The following DERL1 variants were observed in gnomAD, a reference collection of about 807,000 sequenced individuals.
DERL1 encodes the protein derlin-1.
In DERL1, 24 loss-of-function variants were observed where a neutral mutation model predicts 41.6. That is an observed-to-expected ratio of 0.58 (90% CI 0.42 to 0.81). The LOEUF (loss-of-function observed/expected upper bound fraction) is 0.81, where lower values mean the gene tolerates loss of function less well. DERL1 is among the 30% of genes least tolerant of loss of function. The pLI, the probability that DERL1 is intolerant of heterozygous loss-of-function variation, is 0.00. For missense variants in DERL1, 260 were observed against 314.3 expected, an observed-to-expected ratio of 0.83 and a Z score of 1.31; for synonymous variants, 124 against 112.5, an observed-to-expected ratio of 1.10 and a Z score of -0.65.
At chr8:123,031,748 A>G (rs1812820650) in intron 1 of DERL1, among the ~76,000 whole-genome samples, 1 of 152,056 alleles carries the variant, frequency 6.6e-6, no homozygotes. Context: ...TCCCTACAAA[A>G]TATTTTAATT....
intron 2 of DERL1, chr8:123,025,625 C>A (rs1314429877): frequency 6.6e-6 from 1 of 152,254 alleles, no homozygotes. Context: ...CCACACTGGC[C>A]TTAGATACTG....
At chr8:123,020,796 CAAAAAAAAAA>C (rs59816749) in intron 6 of DERL1, among the ~76,000 whole-genome samples, 1 of 112,396 alleles carries the variant, frequency 8.9e-6, no homozygotes, top group Admixed American at 9.6e-5. Flanking sequence ...CTAAAAATCC[CAAAAAAAAAA>C]AAAAAAAAAA....
At chr8:123,029,262 G>C (rs571541934) in intron 2 of DERL1, among the ~76,000 whole-genome samples, 5 of 152,186 alleles carry the variant, frequency 3.3e-5, no homozygotes, top group South Asian at 2.1e-4. Flanking sequence ...TTTCTGCCAA[G>C]TTACTTTACT....
intron 6 of DERL1, 100 bp from the exon 7 acceptor site, chr8:123,019,405 T>G: frequency 1.2e-6 from 1 of 810,382 alleles, no homozygotes; most frequent in East Asian, 2.6e-5. Context: ...GGCAGCCCAT[T>G]TAGTCCCTGG....
At chr8:123,017,113 G>A (rs908751012) in intron 7 of DERL1, 1 of 152,268 alleles carries the variant, frequency 6.6e-6, no homozygotes, top group Admixed American at 6.5e-5. Flanking sequence ...TGGGATTACC[G>A]ACGTGAGCAA....
chr8:123,039,873 T>A (rs1396975346), intron 1 of DERL1, among the ~76,000 whole-genome samples: 1 of 152,152 alleles, frequency 6.6e-6, no homozygotes. Flanking sequence ...AGCCTTATTC[T>A]CTGAGGGGAA....
In DERL1 at chr8:123,021,460, T is replaced by G. The variant is rs745483518; in HGVS notation, c.493A>C (p.Ile165Leu). The part of the protein sequence containing the change: ...LPWVILGFNY[I>L]IGGSVINELI... ...AATATCACTTACGAGCCTCCGATGA[T>G]ATAGTTGAATCCAAGGATAACCCAG... The change falls in exon 6 of 8, where the codon ATC (isoleucine) becomes CTC (leucine). Residue 165 changes from isoleucine to leucine, a missense_variant. Physicochemically the swap from Ile to Leu is conservative, Grantham distance 5 (BLOSUM62 2). Transcript: ENST00000259512. 6.2e-7 allele frequency: 1 copy of G among 1,613,762 alleles called. No homozygotes were observed. Among genetic ancestry groups the G allele is most frequent in the Non-Finnish European group, 8.5e-7 (1 of 1,179,700 alleles).
intron 1 of DERL1, among the ~76,000 whole-genome samples, chr8:123,037,989 T>C (rs958708247): frequency 6.6e-6 from 1 of 152,216 alleles, no homozygotes; most frequent in African/African-American, 2.4e-5. Flanking sequence ...ATTTGATTGA[T>C]GAACATAAAT....
At position 123,025,057 on chromosome 8, in the gene DERL1, AC is replaced by A; in HGVS notation, c.266-8del. The A allele has an allele frequency of 6.2e-7, 1 of 1,613,020 alleles. No homozygotes were observed. The highest frequency in any genetic ancestry group is 8.5e-7 in the Non-Finnish European group (1 of 1,179,496). On this transcript the variant is annotated splice_region_variant and splice_polypyrimidine_tract_variant and intron_variant, in intron 2 of 7. Coordinates refer to ENST00000259512, the MANE Select transcript of DERL1 (RefSeq NM_024295.6). Reference sequence around the variant, plus strand: ...GGCCTCCCATCAAAAGCTCCTGGAAACAAAAACAAGCCAAATGTCATGGTTC... The same window carrying A: ...GGCCTCCCATCAAAAGCTCCTGGAAAAAAAACAAGCCAAATGTCATGGTTC...
At chr8:123,038,536 C>T (rs146326231) in intron 1 of DERL1, among the ~76,000 whole-genome samples, 3 of 152,262 alleles carry the variant, frequency 2.0e-5, no homozygotes, top group East Asian at 1.9e-4. Context: ...GTGACAAGAA[C>T]GATTACTCTT....
chr8:123,018,800 C>T (rs900615243), intron 7 of DERL1: 7 of 243,016 alleles, frequency 2.9e-5, no homozygotes, highest in African/African-American at 4.7e-5. Context: ...AACACGCTAA[C>T]TTACCCTTCC....
At chr8:123,028,288 A>T (rs1190855316) in intron 2 of DERL1, among the ~76,000 whole-genome samples, 2 of 152,132 alleles carry the variant, frequency 1.3e-5, no homozygotes, top group African/African-American at 2.4e-5. Context: ...TAACCATTAG[A>T]TGGTTAAGGA....
intron 2 of DERL1, chr8:123,030,137 G>A (rs1184098073): frequency 6.6e-6 from 1 of 152,516 alleles, no homozygotes; most frequent in Non-Finnish European, 1.5e-5. Flanking sequence ...TTAAATCTTG[G>A]CTATATACTG....
In DERL1 at chr8:123,015,581, G is replaced by A. The variant is rs765021552; in HGVS notation, c.622C>T (p.Arg208Cys). Reference sequence around the variant, plus strand: ...CCTCCTCTCCTACTGGGCAGCCAGCGGTACCTGGTGCAGAAAGACGGGGAC... The same window carrying A: ...CCTCCTCTCCTACTGGGCAGCCAGCAGTACCTGGTGCAGAAAGACGGGGAC... Reference protein sequence around the residue: ...NFLSTPQFLYRWLPSRRGGVS... With the variant: ...NFLSTPQFLYCWLPSRRGGVS... Residue 208 changes from arginine (R) to cysteine (C), a missense_variant, in exon 8 of 8, where the codon CGC (arginine) becomes TGC (cysteine). Transcript: ENST00000259512. 6 of 1,607,764 alleles carry A rather than the reference G, an allele frequency of 3.7e-6. No individual in the cohort carries two copies. Among genetic ancestry groups the A allele is most frequent in the East Asian group, 2.2e-5 (1 of 44,694 alleles).
At chr8:123,037,186 T>C (rs1010385757) in intron 1 of DERL1, among the ~76,000 whole-genome samples, 1 of 152,224 alleles carries the variant, frequency 6.6e-6, no homozygotes, top group South Asian at 2.1e-4. Context: ...GAGGCAACTA[T>C]TTTTGAATAG....
At chr8:123,016,116 A>G (rs1358156746) in intron 7 of DERL1, 2 of 152,180 alleles carry the variant, frequency 1.3e-5, no homozygotes, top group African/African-American at 4.8e-5. Flanking sequence ...ATGTTTTAAA[A>G]TTTATTCAGA....
intron 7 of DERL1, 88 bp from the exon 8 acceptor site, chr8:123,015,673 T>C: frequency 6.9e-7 from 1 of 1,458,590 alleles, no homozygotes; most frequent in Non-Finnish European, 9.1e-7. Flanking sequence ...CACCTCCCTC[T>C]CCTGCTGTTC....
rs779044587 is a variant in DERL1 at position 123,022,662 on chromosome 8, T to A, written c.453+22A>T. The A allele has an allele frequency of 2.5e-6, 4 of 1,611,248 alleles. No individual in the cohort carries two copies. The Admixed American group carries it at 5.0e-5, about 20-fold the overall frequency. ...TTCTGCAGACAAATGAAAAGGACAC[T>A]TTTCCAACCAAGGCAAAGTACCTTA... On this transcript the variant is annotated intron_variant, in intron 5 of 7. Coordinates refer to ENST00000259512, the MANE Select transcript of DERL1 (RefSeq NM_024295.6).
chr8:123,016,043 G>A (rs1241552427), intron 7 of DERL1: 8 of 152,476 alleles, frequency 5.2e-5, no homozygotes, highest in Non-Finnish European at 1.2e-4. Flanking sequence ...TTTCTAAAAG[G>A]CTCTCAGCTG....
Sources: allele counts gnomAD v4.1 joint callset (sites outside exome capture counted in the v4.1 genomes callset), GRCh38; gene constraint gnomAD v4.1.1; transcripts MANE v1.5; gene names NCBI Gene and HGNC (gene_info 2026-07-23, HGNC 2026-07-21).